The following WFDC1 variants were observed in gnomAD, a reference collection of about 807,000 sequenced individuals.
WFDC1 encodes WAP four-disulfide core domain 1.
WFDC1 carries 39 observed loss-of-function variants against 32.9 expected under a neutral mutation model. That is an observed-to-expected ratio of 1.19 (90% confidence interval 0.92 to 1.55). The LOEUF is 1.55. Ranked by LOEUF, WFDC1 falls within the 40% of genes most tolerant of loss-of-function variation. WFDC1 has a pLI of 0.00. For missense variants in WFDC1, 386 were observed against 309.5 expected (o/e 1.25, Z -1.85); for synonymous variants, 184 against 137.4 (o/e 1.34, Z -2.37).
intron 5 of WFDC1, among the ~76,000 whole-genome samples, 165 bp downstream of exon 5, chr16:84,324,625 G>T (rs930892110): frequency 6.6e-6 from 1 of 152,210 alleles, no homozygotes; most frequent in African/African-American, 2.4e-5. Flanking sequence ...TGGTGGGCAG[G>T]GAGTTGTGAG....
At chr16:84,312,561 T>C (rs998125467) in intron 1 of WFDC1, among the ~76,000 whole-genome samples, 4 of 152,172 alleles carry the variant, frequency 2.6e-5, no homozygotes, top group Admixed American at 2.0e-4. Flanking sequence ...TATGTACATA[T>C]ACATATGTAC....
At position 84,314,717 on chromosome 16, in the gene WFDC1, T is replaced by A. The variant is rs193124220; in HGVS notation, c.337+1564T>A. On this transcript the variant is annotated intron_variant, in intron 2 of 6. Transcript: ENST00000219454. ...CGCTGCTCCAGGCCAGGCAGCCTCC[T>A]ACTCAGCCTTCATAAGAAAACCTAA... Among the ~76,000 whole-genome samples, 281 of 152,350 alleles carry A rather than the reference T, an allele frequency of 1.8e-3. 6 individuals carry two copies. Among genetic ancestry groups the A allele is most frequent in the Admixed American group, 0.017 (262 of 15,304 alleles).
chr16:84,315,576 A>G (rs1252911903), intron 2 of WFDC1, among the ~76,000 whole-genome samples: 3 of 152,188 alleles, frequency 2.0e-5, no homozygotes, highest in African/African-American at 4.8e-5. Context: ...CAATCTTGGC[A>G]TATTGACATT....
At chr16:84,307,387 A>G (rs981401668) in intron 1 of WFDC1, among the ~76,000 whole-genome samples, 2 of 152,196 alleles carry the variant, frequency 1.3e-5, no homozygotes, top group African/African-American at 4.8e-5. Flanking sequence ...CTCTCAGTGA[A>G]ATCAGTGCTT....
At chr16:84,318,939 T>C (rs1380629375) in intron 3 of WFDC1, 6 of 185,894 alleles carry the variant, frequency 3.2e-5, no homozygotes, top group Admixed American at 5.6e-5. Context: ...TGTGTGTGTG[T>C]GTGCATGCAA....
At chr16:84,314,759 T>G (rs551714030) in intron 2 of WFDC1, among the ~76,000 whole-genome samples, 1 of 152,276 alleles carries the variant, frequency 6.6e-6, no homozygotes, top group South Asian at 2.1e-4. Flanking sequence ...CCCCTCATGG[T>G]GGACAAGCAC....
intron 1 of WFDC1, among the ~76,000 whole-genome samples, chr16:84,312,715 A>C (rs1907706001): frequency 6.6e-6 from 1 of 152,166 alleles, no homozygotes; most frequent in Admixed American, 6.5e-5. Context: ...CAAACACACC[A>C]AGATTTGCTT....
intron 4 of WFDC1, among the ~76,000 whole-genome samples, chr16:84,320,600 C>G (rs7202400): frequency 0.28 from 42,523 of 152,112 alleles, 6,060 homozygotes; most frequent in Non-Finnish European, 0.29. Flanking sequence ...TCAAGGCAAT[C>G]AAGTTGAAAG....
At chr16:84,303,166 G>T (rs1008485901) in intron 1 of WFDC1, among the ~76,000 whole-genome samples, 2 of 151,964 alleles carry the variant, frequency 1.3e-5, no homozygotes, top group Non-Finnish European at 2.9e-5. Context: ...ACTGTTCCGG[G>T]GAGCGACATA....
intron 2 of WFDC1, among the ~76,000 whole-genome samples, 155 bp downstream of exon 2, chr16:84,313,308 C>G: frequency 6.6e-6 from 1 of 152,186 alleles, no homozygotes; most frequent in East Asian, 1.9e-4. Flanking sequence ...GACGGGCGCT[C>G]CTTGAGCAGG....
rs138400418 is a variant in WFDC1, at chr16:84,296,118, G to T, written c.144+1003G>T. Among the ~76,000 whole-genome samples, 335 of 152,280 alleles carry T rather than the reference G, an allele frequency of 2.2e-3. 2 individuals are homozygous for T. The highest frequency in any genetic ancestry group is 0.021 in the South Asian group (103 of 4,826). On this transcript the variant is annotated intron_variant, in intron 1 of 6. Transcript: ENST00000219454. ...CCAGAGATCACAGATCCGCAGGGACGGAGTGAGCCAGGACGATATCAGCAC... is the reference window on the plus strand; with the variant it reads ...CCAGAGATCACAGATCCGCAGGGACTGAGTGAGCCAGGACGATATCAGCAC...
chr16:84,322,440 C>T (rs539744456), intron 4 of WFDC1, among the ~76,000 whole-genome samples: 1 of 152,270 alleles, frequency 6.6e-6, no homozygotes, highest in South Asian at 2.1e-4. Flanking sequence ...TTAAAAACTG[C>T]ATATTTGAAA....
At chr16:84,324,501 A>C in intron 5 of WFDC1, 41 bp downstream of exon 5, 1 of 1,602,784 alleles carries the variant, frequency 6.2e-7, no homozygotes, top group South Asian at 1.1e-5. Flanking sequence ...AGGGCACAAA[A>C]AAAAGGCAGT....
intron 1 of WFDC1, among the ~76,000 whole-genome samples, chr16:84,304,527 C>G (rs968950886): frequency 6.6e-6 from 1 of 152,054 alleles, no homozygotes; most frequent in African/African-American, 2.4e-5. Flanking sequence ...CGCGCCCGGC[C>G]AGGAATCATT....
chr16:84,319,149 A>G (rs1908143887), intron 3 of WFDC1: 2 of 477,864 alleles, frequency 4.2e-6, no homozygotes, highest in Admixed American at 3.8e-5. Flanking sequence ...GTATCCGTGA[A>G]CATGTCTATA....
intron 6 of WFDC1, 132 bp downstream of exon 6, chr16:84,327,087 C>A: frequency 2.4e-6 from 2 of 848,318 alleles, no homozygotes. Flanking sequence ...TTTGAAATTC[C>A]CTTCTGCAGT....
At chr16:84,322,915 C>G (rs552471891) in intron 4 of WFDC1, among the ~76,000 whole-genome samples, 111 of 152,244 alleles carry the variant, frequency 7.3e-4, no homozygotes, top group Admixed American at 2.2e-3. Flanking sequence ...GCTTGTCTAG[C>G]CTTGAGTGGG....
chr16:84,324,576 C>T, intron 5 of WFDC1, 116 bp downstream of exon 5: 1 of 1,201,838 alleles, frequency 8.3e-7, no homozygotes, highest in Non-Finnish European at 1.2e-6. Flanking sequence ...CAAAATGGGA[C>T]CTGGGATTAA....
chr16:84,312,215 C>A (rs1057245249), intron 1 of WFDC1, among the ~76,000 whole-genome samples: 1 of 152,120 alleles, frequency 6.6e-6, no homozygotes, highest in South Asian at 2.1e-4. Flanking sequence ...GCGTATAAAT[C>A]CTACGTGTTC....
Sources: gnomAD v4.1 joint callset for allele counts (sites outside exome capture counted in the v4.1 genomes callset) on GRCh38, gnomAD v4.1.1 for gene constraint, MANE v1.5 for transcripts, NCBI Gene and HGNC (gene_info 2026-07-23, HGNC 2026-07-21) for gene names.